EML6: variants seen among roughly 807,000 people sequenced by gnomAD.
The protein encoded by EML6 is EMAP like 6.
Under a neutral mutation model 240.1 loss-of-function variants are expected in EML6, and 154 were observed. The observed-to-expected ratio is 0.64, with a 90% CI of 0.56 to 0.73. The LOEUF is 0.73. Among genes scored for constraint, EML6 ranks in the 30% least tolerant of loss-of-function variants. The probability of loss-of-function intolerance (pLI) is 0.00; values close to 1 mark genes in which losing one functional copy is unlikely to be tolerated. For synonymous variants in EML6, 1,148 were observed against 899.0 expected (o/e 1.28, Z -4.95); for missense variants, 2,964 against 2,474.6 (o/e 1.20, Z -4.20).
intron 2 of EML6, among the ~76,000 whole-genome samples, chr2:54,789,319 C>T (rs573723968): frequency 6.6e-6 from 1 of 151,762 alleles, no homozygotes; most frequent in Non-Finnish European, 1.5e-5. Context: ...CGAGACCATC[C>T]TGGCTAACAC....
rs1335402544 is a variant in EML6, at chr2:54,725,512, T to A, written c.197+254T>A. ...GCTTTTAAATCTCCAAGGAGTTGAG[T>A]GTTCTGATGCTTTCTTGCTGTTCTT... On this transcript the variant is annotated intron_variant, in intron 2 of 41. Transcript: ENST00000356458. This position sits in a 1 kb window ranked among gnomAD's most constrained non-coding sequence, Gnocchi z 4.3. Among the ~76,000 whole-genome samples the A allele has an allele frequency of 6.6e-6, 1 of 152,064 alleles. No individual in the cohort carries two copies. Among genetic ancestry groups the A allele is most frequent in the South Asian group, 2.1e-4 (1 of 4,830 alleles).
intron 21 of EML6, 70 bp downstream of exon 21, chr2:54,895,470 C>G (rs1558660848): frequency 6.7e-7 from 1 of 1,489,072 alleles, no homozygotes; most frequent in Non-Finnish European, 9.1e-7. Flanking sequence ...AAAGTTGATG[C>G]TTAGGTTGCA....
chr2:54,935,801 A>G (rs925348321), intron 28 of EML6, among the ~76,000 whole-genome samples: 3 of 152,224 alleles, frequency 2.0e-5, no homozygotes, highest in Non-Finnish European at 4.4e-5. Context: ...ACTTGAATCC[A>G]GGAGGTTGAG....
At chr2:54,793,721 C>G (rs1477128930) in intron 2 of EML6, among the ~76,000 whole-genome samples, 1 of 152,134 alleles carries the variant, frequency 6.6e-6, no homozygotes, top group African/African-American at 2.4e-5. Context: ...TGGCTGGTGA[C>G]TACATAAGTG....
At chr2:54,928,206 T>A in intron 26 of EML6, 107 bp from the exon 27 acceptor site, 2 of 861,530 alleles carry the variant, frequency 2.3e-6, no homozygotes, top group Middle Eastern at 3.1e-4. Flanking sequence ...TGTAGGAAAT[T>A]GCTGTTGAAC....
At chr2:54,925,379 A>G (rs760105675) in intron 26 of EML6, among the ~76,000 whole-genome samples, 1 of 152,162 alleles carries the variant, frequency 6.6e-6, no homozygotes, top group Non-Finnish European at 1.5e-5. Context: ...ACCCAAGCAG[A>G]CTAATGTCCC....
chr2:54,892,327 C>T, intron 18 of EML6, 127 bp from the exon 19 acceptor site: 1 of 637,964 alleles, frequency 1.6e-6, no homozygotes, highest in South Asian at 2.0e-5. Context: ...TGTTCTCTGT[C>T]ACTTTTAGAC....
chr2:54,818,483 A>G (rs752855800), intron 4 of EML6, among the ~76,000 whole-genome samples: 5 of 152,208 alleles, frequency 3.3e-5, no homozygotes, highest in African/African-American at 7.2e-5. Flanking sequence ...AAACTAGGAA[A>G]GCTGTTCCTG....
At chr2:54,731,785 A>G (rs1321470694) in intron 2 of EML6, among the ~76,000 whole-genome samples, 2 of 152,106 alleles carry the variant, frequency 1.3e-5, no homozygotes, top group Non-Finnish European at 2.9e-5. Flanking sequence ...TAGGTGAAAA[A>G]CTGTTCACAT....
intron 7 of EML6, among the ~76,000 whole-genome samples, chr2:54,832,275 C>G (rs1246081745): frequency 6.6e-6 from 1 of 152,236 alleles, no homozygotes; most frequent in Non-Finnish European, 1.5e-5. Context: ...GGGAAACTTG[C>G]TCTGAATCCC....
chr2:54,770,611 A>G (rs770794542), intron 2 of EML6, among the ~76,000 whole-genome samples: 2 of 152,130 alleles, frequency 1.3e-5, no homozygotes, highest in Non-Finnish European at 2.9e-5. Context: ...GTCTCTTCTC[A>G]GTTGCCTCCA....
chr2:54,740,081 G>C (rs1410452912), intron 2 of EML6, among the ~76,000 whole-genome samples: 3 of 152,106 alleles, frequency 2.0e-5, no homozygotes, highest in African/African-American at 4.8e-5. Context: ...CAGGGGAGAT[G>C]AGTTCAGCTT....
chr2:54,738,345 G>A (rs1413915581), intron 2 of EML6, among the ~76,000 whole-genome samples: 1 of 151,908 alleles, frequency 6.6e-6, no homozygotes, highest in Admixed American at 6.6e-5. Context: ...CTTCTTTTTT[G>A]TACCCCCTTT....
At chr2:54,858,681 T>C (rs1670517444) in intron 11 of EML6, among the ~76,000 whole-genome samples, 1 of 152,230 alleles carries the variant, frequency 6.6e-6, no homozygotes, top group Admixed American at 6.5e-5. Context: ...GGTCAGAGCA[T>C]GCTCTCAAAA....
chr2:54,775,351 A>G (rs67607054), intron 2 of EML6, among the ~76,000 whole-genome samples: 31,826 of 151,896 alleles, frequency 0.21, 3,710 homozygotes, highest in Middle Eastern at 0.31. Context: ...CTTCTTTGCT[A>G]TTTCTCAGAT....
chr2:54,908,241 A>G (rs1005419925), intron 24 of EML6, among the ~76,000 whole-genome samples: 1 of 146,196 alleles, frequency 6.8e-6, no homozygotes, highest in South Asian at 2.2e-4. Context: ...ACAGGGTCCC[A>G]CTCTGTCACC....
At chr2:54,882,871 A>AAAAAAAAAAAAAAAGAAAAG (rs962733331) in intron 17 of EML6, 3 of 128,790 alleles carry the variant, frequency 2.3e-5, no homozygotes, top group African/African-American at 8.9e-5. Flanking sequence ...AAAAAAAAAA[A>AAAAAAAAAAAAAAAGAAAAG]AAAGAAAGCT....
chr2:54,746,586 C>T (rs1045395749), intron 2 of EML6, among the ~76,000 whole-genome samples: 1 of 151,638 alleles, frequency 6.6e-6, no homozygotes, highest in Non-Finnish European at 1.5e-5. Context: ...TGTCACACTG[C>T]GAAGACTGAT....
At chr2:54,898,833 T>G (rs1347614346) in intron 21 of EML6, among the ~76,000 whole-genome samples, 1 of 152,248 alleles carries the variant, frequency 6.6e-6, no homozygotes, top group Non-Finnish European at 1.5e-5. Context: ...CACTAATCTT[T>G]ACACACTGCA....
Sources: gnomAD v4.1 joint callset for allele counts (sites outside exome capture counted in the v4.1 genomes callset) on GRCh38, gnomAD v4.1.1 for gene constraint, Gnocchi (gnomAD v3.1) non-coding constraint, MANE v1.5 for transcripts, NCBI Gene and HGNC (gene_info 2026-07-23, HGNC 2026-07-21) for gene names.